The following TRIM49B variants were observed in gnomAD, a reference collection of about 807,000 sequenced individuals.
The protein encoded by TRIM49B is putative tripartite motif-containing protein 49B.
Under a neutral mutation model 31.8 loss-of-function variants are expected in TRIM49B, and 18 were observed. That is an observed-to-expected ratio of 0.57 (90% confidence interval 0.39 to 0.84). The LOEUF is 0.84. Ranked by LOEUF, TRIM49B falls within the 40% of genes least tolerant of loss-of-function variation. The pLI is 0.00. For synonymous variants in TRIM49B, 196 were observed against 180.6 expected, an observed-to-expected ratio of 1.09 and a Z score of -0.68; for missense variants, 494 against 538.7, an observed-to-expected ratio of 0.92 and a Z score of 0.82.
Position 49,034,331 on chromosome 11 carries a change from G to C in TRIM49B, c.693G>C (p.Glu231Asp). ...GGGAGATTTTAAGAGGAATGTATGA[G>C]GAGCTGAACGAAATGTGCCATAAAC... ...HRREILRGMY[E>D]ELNEMCHKPD... Residue 231 changes from glutamate to aspartate, a missense_variant, in exon 4 of 7, where the codon GAG becomes GAC. Coordinates refer to ENST00000332682, the MANE Select transcript of TRIM49B (RefSeq NM_001206626.2). 8 of 1,611,950 alleles carry C rather than the reference G, an allele frequency of 5.0e-6. No homozygotes were observed. The highest frequency in any genetic ancestry group is 1.1e-5 in the South Asian group (1 of 90,982).
At chr11:49,029,156 T>C (rs1048514067) in intron 1 of TRIM49B, among the ~76,000 whole-genome samples, 181 bp downstream of exon 1, 3 of 102,574 alleles carry the variant, frequency 2.9e-5, no homozygotes, top group African/African-American at 1.4e-4. Flanking sequence ...CTATGATTGT[T>C]TAATATAGTT....
Position 49,037,718 on chromosome 11 carries a change from A to G in TRIM49B, c.1100A>G (p.Gln367Arg), listed in dbSNP as rs1358362607. 1.2e-6 allele frequency: 2 copies of G among 1,613,972 alleles called. No individual in the cohort carries two copies. The highest frequency in any genetic ancestry group is 1.7e-6 in the Non-Finnish European group (2 of 1,179,868). Residue 367 changes from glutamine to arginine, a missense_variant, in exon 7 of 7, where the codon CAG becomes CGG. Gln to Arg is a conservative substitution (Grantham distance 43, BLOSUM62 1). Transcript: ENST00000332682. ...VCNMYWKEKN[Q>R]NEKIDGEDGL... is the part of the protein sequence containing the mutation. ...AATATGTATTGGAAAGAGAAGAATC[A>G]GAATGAGAAGATAGATGGAGAGGAT...
At position 49,036,612 on chromosome 11, in the gene TRIM49B, C is replaced by T. The variant is rs1483032037; in HGVS notation, c.859+214C>T. On this transcript the variant is annotated intron_variant, in intron 6 of 6. Transcript: ENST00000332682. Reference sequence around the variant, plus strand: ...ATAGTGAAAAAGAAATACTTTCTGGCATAATATGTACTGAGTTATATAATA... The same window carrying T: ...ATAGTGAAAAAGAAATACTTTCTGGTATAATATGTACTGAGTTATATAATA... 2.0e-5 allele frequency among the ~76,000 whole-genome samples: 3 copies of T among 151,992 alleles called. No homozygotes were observed. The South Asian group carries it at 6.2e-4, about 32-fold the overall frequency.
chr11:49,031,708 C>T lies in TRIM49B; in HGVS notation c.109C>T (p.Pro37Ser). ...TIDCGHSFCR[P>S]CFYLNWKDSP... ...AGACTGTGGGCACAGCTTTTGCAGGCCTTGTTTCTACCTCAACTGGAAAGA... is the reference window on the plus strand; with the variant it reads ...AGACTGTGGGCACAGCTTTTGCAGGTCTTGTTTCTACCTCAACTGGAAAGA... The change falls in exon 2 of 7, where the codon CCT (proline) becomes TCT (serine). Residue 37 changes from proline to serine, a missense_variant. Physicochemically the swap from Pro to Ser is moderately conservative, Grantham distance 74 (BLOSUM62 -1). Coordinates refer to ENST00000332682, the MANE Select transcript of TRIM49B (RefSeq NM_001206626.2). 2 of 1,613,980 alleles carry T rather than the reference C, an allele frequency of 1.2e-6. No individual in the cohort carries two copies. Among genetic ancestry groups the T allele is most frequent in the African/African-American group, 1.3e-5 (1 of 75,040 alleles).
intron 1 of TRIM49B, among the ~76,000 whole-genome samples, chr11:49,031,080 C>A (rs1246363723): frequency 2.0e-5 from 3 of 151,566 alleles, no homozygotes; most frequent in Admixed American, 6.6e-5. Context: ...GCAGGACTTG[C>A]AGGCTTGTTA....
At chr11:49,034,090 T>C (rs1854488276) in intron 3 of TRIM49B, 56 bp from the exon 4 acceptor site, 1 of 1,609,726 alleles carries the variant, frequency 6.2e-7, no homozygotes, top group Non-Finnish European at 8.5e-7. Flanking sequence ...ATCAGTGAGA[T>C]TTAATAGGAG....
chr11:49,033,221 A>C (rs1854476456), intron 3 of TRIM49B, among the ~76,000 whole-genome samples: 1 of 152,190 alleles, frequency 6.6e-6, no homozygotes, highest in African/African-American at 2.4e-5. Flanking sequence ...TATGCAATAC[A>C]TGATGTATTT....
At chr11:49,032,829 C>A (rs1854471433) in intron 3 of TRIM49B, among the ~76,000 whole-genome samples, 2 of 152,096 alleles carry the variant, frequency 1.3e-5, no homozygotes, top group South Asian at 4.2e-4. Flanking sequence ...AGTGACAGGG[C>A]AAATCTAGGG....
Position 49,037,965 on chromosome 11 carries a change from T to C in TRIM49B, c.1347T>C (p.Cys449=). 1 of 1,610,284 alleles carries C rather than the reference T, an allele frequency of 6.2e-7. No individual in the cohort carries two copies. The highest frequency in any genetic ancestry group is 1.1e-5 in the South Asian group (1 of 90,816). Residue 449 remains cysteine (C), a synonymous_variant, in exon 7 of 7, where the codon TGT becomes TGC. Coordinates refer to ENST00000332682, the MANE Select transcript of TRIM49B (RefSeq NM_001206626.2). ...FSPPLRPIFC[C]IHF ...CTCCTCTCAGGCCTATCTTTTGCTG[T>C]ATTCACTTCTGACCAGAGACAAATC...
At chr11:49,036,669 A>G (rs1854534481) in intron 6 of TRIM49B, among the ~76,000 whole-genome samples, 1 of 152,208 alleles carries the variant, frequency 6.6e-6, no homozygotes, top group South Asian at 2.1e-4. Flanking sequence ...AATTTAAAAA[A>G]GGAGCCAATG....
In TRIM49B at chr11:49,037,667, C is replaced by T. The variant is rs757691843; in HGVS notation, c.1049C>T (p.Ser350Phe). The T allele has an allele frequency of 6.2e-7, 1 of 1,613,804 alleles. No individual in the cohort carries two copies. Among genetic ancestry groups the T allele is most frequent in the Admixed American group, 1.7e-5 (1 of 59,994 alleles). ...KYYWEVHVGD[S>F]WNWAFGVCNM... ...TACTGGGAGGTCCATGTAGGGGACT[C>T]CTGGAATTGGGCTTTTGGTGTCTGT... is the stretch of plus-strand genomic sequence containing the variant. Residue 350 changes from serine (S) to phenylalanine (F), a missense_variant, in exon 7 of 7, where the codon TCC (serine) becomes TTC (phenylalanine). Ser to Phe is a radical substitution (Grantham distance 155, BLOSUM62 -2). This residue lies in a region of TRIM49B where 233 missense variants were observed against 281.4 expected (regional missense o/e 0.83). Transcript: ENST00000332682.
chr11:49,031,680 C>T lies in TRIM49B; in HGVS notation c.81C>T (p.Thr27=), dbSNP rs1291921571. ...ICMNYFIDPV[T]IDCGHSFCRP... ...TGAACTACTTCATAGACCCGGTCACCATAGACTGTGGGCACAGCTTTTGCA... is the reference window on the plus strand; with the variant it reads ...TGAACTACTTCATAGACCCGGTCACTATAGACTGTGGGCACAGCTTTTGCA... The change falls in exon 2 of 7, where the codon ACC becomes ACT. Residue 27 remains threonine, a synonymous_variant. Transcript: ENST00000332682. 1.2e-6 allele frequency: 2 copies of T among 1,613,996 alleles called. No homozygotes were observed. The highest frequency in any genetic ancestry group is 2.2e-5 in the South Asian group (2 of 91,074).
In TRIM49B at chr11:49,037,759, G is replaced by A; in HGVS notation, c.1141G>A (p.Gly381Arg). The change falls in exon 7 of 7, where the codon GGG (glycine) becomes AGG (arginine). Residue 381 changes from glycine to arginine, a missense_variant. Transcript: ENST00000332682. Reference sequence around the variant, plus strand: ...TGGAGAGGATGGACTCTTTCTTCTTGGGTGTGTTAAGAATGACATTCAACG... The same window carrying A: ...TGGAGAGGATGGACTCTTTCTTCTTAGGTGTGTTAAGAATGACATTCAACG... ...IDGEDGLFLL[G>R]CVKNDIQRSL... The A allele has an allele frequency of 6.2e-7, 1 of 1,613,890 alleles. No homozygotes were observed.
rs1011705022 is a variant in TRIM49B at position 49,030,890 on chromosome 11, C to T, written c.-4-706C>T. On this transcript the variant is annotated intron_variant, in intron 1 of 6. Coordinates refer to ENST00000332682, the MANE Select transcript of TRIM49B (RefSeq NM_001206626.2). ...AGCCCTAGGGGAAGTTAATTTAATC[C>T]GCAAGAAAATAAAAAGACCCAATAT... 7.9e-5 allele frequency among the ~76,000 whole-genome samples: 12 copies of T among 152,076 alleles called. No homozygotes were observed. In the South Asian group the frequency reaches 8.3e-4, roughly 11 times the overall value.
chr11:49,031,843 C>A lies in TRIM49B; in HGVS notation c.244C>A (p.Leu82Ile). ...KMASLARKVS[L>I]WLFLSSEEQM... Reference sequence around the variant, plus strand: ...GGCTTCTCTTGCTAGAAAAGTCAGTCTCTGGCTATTCCTGAGCTCTGAGGA... The same window carrying A: ...GGCTTCTCTTGCTAGAAAAGTCAGTATCTGGCTATTCCTGAGCTCTGAGGA... Residue 82 changes from leucine (L) to isoleucine (I), a missense_variant, in exon 2 of 7, where the codon CTC becomes ATC. Physicochemically the swap from Leu to Ile is conservative, Grantham distance 5. This residue lies in a region of TRIM49B where 251 missense variants were observed against 232.8 expected (regional missense o/e 1.08). Transcript: ENST00000332682. 8 of 1,613,950 alleles carry A rather than the reference C, an allele frequency of 5.0e-6. No individual in the cohort carries two copies. Among genetic ancestry groups the A allele is most frequent in the Non-Finnish European group, 6.8e-6 (8 of 1,179,860 alleles).
At chr11:49,034,056 T>G (rs965146240) in intron 3 of TRIM49B, 90 bp from the exon 4 acceptor site, 1 of 1,604,344 alleles carries the variant, frequency 6.2e-7, no homozygotes, top group Admixed American at 1.7e-5. Flanking sequence ...GTTTGAACTA[T>G]TGGACATTCG....
At chr11:49,029,494 T>G (rs1854420201) in intron 1 of TRIM49B, among the ~76,000 whole-genome samples, 1 of 152,192 alleles carries the variant, frequency 6.6e-6, no homozygotes, top group Non-Finnish European at 1.5e-5. Flanking sequence ...AATACCTAAT[T>G]TGGTATGTGA....
At chr11:49,032,196 G>A (rs1854462142) in intron 2 of TRIM49B, 80 bp from the exon 3 acceptor site, 2 of 1,611,274 alleles carry the variant, frequency 1.2e-6, no homozygotes, top group Non-Finnish European at 1.7e-6. Flanking sequence ...CATTTACTAG[G>A]GGTTTATTTG....
intron 1 of TRIM49B, 96 bp downstream of exon 1, chr11:49,029,071 T>A (rs1854416404): frequency 6.6e-6 from 1 of 152,370 alleles, no homozygotes; most frequent in Non-Finnish European, 1.5e-5. Context: ...ATCTACACAA[T>A]GATACCATTT....
Sources: gnomAD v4.1 joint callset for allele counts (sites outside exome capture counted in the v4.1 genomes callset) on GRCh38, gnomAD v4.1.1 for gene constraint, gnomAD v4.1.1 regional missense constraint, MANE v1.5 for transcripts, NCBI Gene and HGNC (gene_info 2026-07-23, HGNC 2026-07-21) for gene names.